The following SLMAP variants were observed in gnomAD, a reference collection of about 807,000 sequenced individuals.
The protein encoded by SLMAP is sarcolemma associated protein, also known as sarcolemmal membrane-associated protein.
In SLMAP, 44 loss-of-function variants were observed where a neutral mutation model predicts 128.8. The ratio of observed to expected loss-of-function variants is 0.34; its 90% CI spans 0.27 to 0.44. SLMAP has a LOEUF of 0.44. SLMAP is among the 20% of genes least tolerant of loss of function. The probability of loss-of-function intolerance (pLI) is 1.00; values close to 1 mark genes in which losing one functional copy is unlikely to be tolerated. For missense variants in SLMAP, 787 were observed against 985.3 expected (o/e 0.80, Z 2.69); for synonymous variants, 327 against 348.8 (o/e 0.94, Z 0.70).
chr3:57,843,329 T>TTTTC (rs1553866965), intron 4 of SLMAP, among the ~76,000 whole-genome samples: 1 of 129,014 alleles, frequency 7.8e-6, no homozygotes, highest in East Asian at 2.9e-4. Flanking sequence ...TTTTTTTTTT[T>TTTTC]CTTTGACAGC....
At chr3:57,817,495 T>G (rs1444876122) in intron 2 of SLMAP, among the ~76,000 whole-genome samples, 1 of 152,202 alleles carries the variant, frequency 6.6e-6, no homozygotes, top group African/African-American at 2.4e-5. Flanking sequence ...TTTAAAATAT[T>G]TATTTGGTTC....
intron 13 of SLMAP, among the ~76,000 whole-genome samples, chr3:57,870,235 T>C (rs779412712): frequency 6.6e-6 from 1 of 152,178 alleles, no homozygotes; most frequent in Non-Finnish European, 1.5e-5. Context: ...TTTAAAGTGT[T>C]ACCATAGCTA....
chr3:57,910,270 A>G (rs2096662157), intron 19 of SLMAP, among the ~76,000 whole-genome samples: 1 of 151,854 alleles, frequency 6.6e-6, no homozygotes, highest in Non-Finnish European at 1.5e-5. Flanking sequence ...GCTCACTACA[A>G]CCTCCGTCTC....
In SLMAP at chr3:57,817,919, C is replaced by A. The variant is rs541227402; in HGVS notation, c.199-13464C>A. 1.1e-4 allele frequency among the ~76,000 whole-genome samples: 17 copies of A among 152,206 alleles called. 1 individual carries two copies. The highest frequency in any genetic ancestry group is 2.4e-4 in the Non-Finnish European group (16 of 68,014). ...CTGATTGCTATTTTACTATTCTTACCATTGTGACTATAGATAGGTCACTTG... is the reference window on the plus strand; with the variant it reads ...CTGATTGCTATTTTACTATTCTTACAATTGTGACTATAGATAGGTCACTTG... On this transcript the variant is annotated intron_variant, in intron 2 of 24. Transcript: ENST00000671191.
intron 2 of SLMAP, among the ~76,000 whole-genome samples, chr3:57,823,447 C>G (rs796617766): frequency 6.6e-6 from 1 of 152,078 alleles, no homozygotes; most frequent in Non-Finnish European, 1.5e-5. Context: ...TCAATTCCCA[C>G]CTATGAGTGA....
chr3:57,774,031 A>T (rs1383524895), intron 2 of SLMAP, among the ~76,000 whole-genome samples: 1 of 152,184 alleles, frequency 6.6e-6, no homozygotes, highest in Admixed American at 6.5e-5. Context: ...AAAATATTGT[A>T]TGTAATTGTC....
At chr3:57,854,280 G>A (rs1182890084) in intron 6 of SLMAP, among the ~76,000 whole-genome samples, 3 of 150,650 alleles carry the variant, frequency 2.0e-5, no homozygotes, top group Non-Finnish European at 4.4e-5. Flanking sequence ...TAGGCTGTGC[G>A]AGTGAAGCAA....
chr3:57,801,366 C>G (rs2088311535), intron 2 of SLMAP: 1 of 152,624 alleles, frequency 6.6e-6, no homozygotes, highest in Middle Eastern at 2.3e-3. Context: ...CTCTTCCAGC[C>G]ATTGAGGTTA....
At chr3:57,776,768 A>G (rs1196127974) in intron 2 of SLMAP, among the ~76,000 whole-genome samples, 1 of 151,102 alleles carries the variant, frequency 6.6e-6, no homozygotes, top group East Asian at 2.0e-4. Flanking sequence ...CAGGTGATCC[A>G]CCTGCCTCAG....
intron 6 of SLMAP, among the ~76,000 whole-genome samples, chr3:57,851,866 A>G (rs2153581750): frequency 6.6e-6 from 1 of 152,124 alleles, no homozygotes; most frequent in Non-Finnish European, 1.5e-5. Flanking sequence ...GTAGGCCTTC[A>G]GTTGTCTTTT....
intron 9 of SLMAP, 29 bp from the exon 10 acceptor site, chr3:57,861,920 A>C: frequency 6.3e-7 from 1 of 1,587,676 alleles, no homozygotes; most frequent in South Asian, 1.1e-5. Context: ...ACTTATTCTA[A>C]TTAAATTGCC....
At chr3:57,796,051 G>A (rs2086662906) in intron 2 of SLMAP, among the ~76,000 whole-genome samples, 2 of 151,936 alleles carry the variant, frequency 1.3e-5, no homozygotes, top group South Asian at 2.1e-4. Context: ...TGTCACTTGT[G>A]CCTTTGGTGT....
intron 14 of SLMAP, among the ~76,000 whole-genome samples, chr3:57,888,733 A>G (rs2095976955): frequency 6.6e-6 from 1 of 151,470 alleles, no homozygotes; most frequent in Non-Finnish European, 1.5e-5. Flanking sequence ...ATGGAAAAAT[A>G]AAATCAATGT....
At chr3:57,906,050 TAA>T (rs1168626870) in intron 17 of SLMAP, among the ~76,000 whole-genome samples, 178 of 105,970 alleles carry the variant, frequency 1.7e-3, no homozygotes, top group African/African-American at 5.6e-3. Flanking sequence ...AAATACTCCT[TAA>T]AAAAAAAAAA....
chr3:57,913,075 C>G, intron 20 of SLMAP, 83 bp from the exon 21 acceptor site: 2 of 695,180 alleles, frequency 2.9e-6, no homozygotes, highest in Non-Finnish European at 5.0e-6. Context: ...GTATGTTCTC[C>G]TCTGAAATCT....
chr3:57,906,299 TCTTTTTTTTTC>T (rs2096540726), intron 17 of SLMAP, among the ~76,000 whole-genome samples: 1 of 107,346 alleles, frequency 9.3e-6, no homozygotes, highest in Non-Finnish European at 2.0e-5. Context: ...CAAATTTTTT[TCTTTTTTTTTC>T]TTTTTTTTTT....
intron 22 of SLMAP, among the ~76,000 whole-genome samples, chr3:57,920,137 T>G (rs2096890093): frequency 6.6e-6 from 1 of 152,264 alleles, no homozygotes. Context: ...TGAGAATTTA[T>G]TATGTTCCAA....
At chr3:57,762,440 ATTTTAGAATATC>A (rs2078876265) in intron 2 of SLMAP, among the ~76,000 whole-genome samples, 1 of 152,156 alleles carries the variant, frequency 6.6e-6, no homozygotes, top group Non-Finnish European at 1.5e-5. Context: ...ATACATGTTC[ATTTTAGAATATC>A]TGCAAAATGT....
chr3:57,925,919 A>C lies in SLMAP; in HGVS notation c.2520A>C (p.Pro840=). ...CTTTCCTGTTTTGGTGTTTCGGTCCATTGTGGTAGAGAAAGGTACAAGCAC... is the reference window on the plus strand; with the variant it reads ...CTTTCCTGTTTTGGTGTTTCGGTCCCTTGTGGTAGAGAAAGGTACAAGCAC... ...FLAFLFWCFG[P]LW The change falls in exon 24 of 25, where the codon CCA becomes CCC. Residue 840 remains proline (P), a synonymous_variant. Coordinates refer to ENST00000671191, the MANE Select transcript of SLMAP (RefSeq NM_001377540.1). 6.4e-7 allele frequency: 1 copy of C among 1,550,646 alleles called. No homozygotes were observed. The highest frequency in any genetic ancestry group is 8.7e-7 in the Non-Finnish European group (1 of 1,146,700).
Sources: allele counts gnomAD v4.1 joint callset (sites outside exome capture counted in the v4.1 genomes callset), GRCh38; gene constraint gnomAD v4.1.1; transcripts MANE v1.5; gene names NCBI Gene and HGNC (gene_info 2026-07-23, HGNC 2026-07-21).